The following PML variants were observed in gnomAD, a reference collection of about 807,000 sequenced individuals.
PML encodes the protein protein PML.
A neutral mutation model predicts 65.2 loss-of-function variants in PML; 28 were observed. That is an observed-to-expected ratio of 0.43 (90% CI 0.32 to 0.59). PML has a LOEUF of 0.59. Ranked by LOEUF, PML falls within the 20% of genes least tolerant of loss-of-function variation. PML has a pLI of 0.08. For missense variants in PML, 1,021 were observed against 1,203.4 expected, an observed-to-expected ratio of 0.85 and a Z score of 2.24; for synonymous variants, 500 against 508.8, an observed-to-expected ratio of 0.98 and a Z score of 0.23.
chr15:74,035,116 C>T lies in PML; in HGVS notation c.1710+586C>T, dbSNP rs1356340268. On this transcript the variant is annotated intron_variant, in intron 7 of 8. Transcript: ENST00000268058. The surrounding 1 kb of genome is among the most constrained non-coding windows in gnomAD (Gnocchi z 4.1). The stretch of plus-strand genomic sequence containing the variant: ...GATCTGAATAGAGTGAAAGGTTGGA[C>T]TGGGTGGCCCCTGAGGTCTCTTCCA... The T allele has an allele frequency of 2.6e-6, 3 of 1,144,388 alleles. No individual in the cohort carries two copies. In the African/African-American group the frequency reaches 4.6e-5, roughly 17 times the overall value. 70.9% of individuals were successfully genotyped at this position (1,144,388 alleles called of 1,614,324 possible). A position where few individuals can be genotyped will look rare whatever the true frequency, so the allele number is the denominator to read the frequency against.
chr15:74,044,151 G>C, intron 8 of PML, 70 bp from the exon 9 acceptor site: 2 of 1,508,672 alleles, frequency 1.3e-6, no homozygotes, highest in South Asian at 1.1e-5. Flanking sequence ...CAGCCCTAGA[G>C]GACCCCCTGC....
At chr15:73,997,926 C>A in intron 1 of PML, 78 bp from the exon 2 acceptor site, 1 of 1,237,484 alleles carries the variant, frequency 8.1e-7, no homozygotes, top group Non-Finnish European at 1.2e-6. Flanking sequence ...CTCCAGGGTC[C>A]AGCTGTAAGG....
chr15:73,998,958 T>C (rs1487912015), intron 2 of PML, among the ~76,000 whole-genome samples: 1 of 152,216 alleles, frequency 6.6e-6, no homozygotes, highest in African/African-American at 2.4e-5. Context: ...TATCTGAGAA[T>C]GTCTGTATGG....
chr15:74,008,911 T>C (rs2070192466), intron 2 of PML, among the ~76,000 whole-genome samples: 1 of 152,084 alleles, frequency 6.6e-6, no homozygotes, highest in Non-Finnish European at 1.5e-5. Flanking sequence ...CCACGGAGAA[T>C]TTGAGGGGAT....
Position 74,043,370 on chromosome 15 carries a change from G to C in PML, c.1861+231G>C. The C allele has an allele frequency of 7.0e-7, 1 of 1,438,682 alleles. No individual in the cohort carries two copies. Among genetic ancestry groups the C allele is most frequent in the Non-Finnish European group, 9.1e-7 (1 of 1,103,376 alleles). 89.1% of individuals were successfully genotyped at this position (1,438,682 alleles called of 1,614,324 possible). The stretch of plus-strand genomic sequence containing the variant: ...GCCTGAGTGTGCGAGAGAGGCAGAT[G>C]CCTCCACAAGTGCACCTCTGACCAG... On this transcript the variant is annotated intron_variant, in intron 8 of 8. Transcript: ENST00000268058. The surrounding 1 kb of genome is among the most constrained non-coding windows in gnomAD (Gnocchi z 4.3).
chr15:74,005,121 C>T (rs1427370715), intron 2 of PML, among the ~76,000 whole-genome samples: 2 of 152,148 alleles, frequency 1.3e-5, no homozygotes, highest in East Asian at 1.9e-4. Flanking sequence ...GGCACGATCT[C>T]GGCTCACTGC....
Position 74,046,949 on chromosome 15 carries a change from A to G in PML, c.*1941A>G, listed in dbSNP as rs537260404. 81 of 229,716 alleles carry G rather than the reference A, an allele frequency of 3.5e-4. No homozygotes were observed. Among genetic ancestry groups the G allele is most frequent in the African/African-American group, 1.7e-3 (76 of 45,272 alleles). 14.2% of individuals were successfully genotyped at this position (229,716 alleles called of 1,614,324 possible). On this transcript the variant is annotated 3_prime_UTR_variant, in exon 9 of 9. Transcript: ENST00000268058. Reference sequence around the variant, plus strand: ...AGAGCTGAGAGCCCTTTGTTGCTCAATGCTGTGAGCCTTAAGCATGTGAAT... The same window carrying G: ...AGAGCTGAGAGCCCTTTGTTGCTCAGTGCTGTGAGCCTTAAGCATGTGAAT...
intron 1 of PML, among the ~76,000 whole-genome samples, chr15:73,995,873 G>A (rs1230144953): frequency 6.6e-6 from 1 of 151,968 alleles, no homozygotes; most frequent in African/African-American, 2.4e-5. Flanking sequence ...TCCTGCCTCA[G>A]CCTCCCGAGT....
chr15:73,998,682 G>A (rs3784562), intron 2 of PML, among the ~76,000 whole-genome samples: 88,025 of 152,138 alleles, frequency 0.58, 25,618 homozygotes, highest in East Asian at 0.63. Flanking sequence ...TAAGTTTCCA[G>A]TTTCCTCCTG....
Position 74,036,596 on chromosome 15 carries a change from G to C in PML, c.1710+2066G>C, listed in dbSNP as rs146237819. On this transcript the variant is annotated intron_variant, in intron 7 of 8. Coordinates refer to ENST00000268058, the MANE Select transcript of PML (RefSeq NM_033238.3). ...TCCTGGACTGTTCCAGCCCCTTCCTGGCCGTCTGGTAAGATCCTCTGTCCC... is the reference window on the plus strand; with the variant it reads ...TCCTGGACTGTTCCAGCCCCTTCCTCGCCGTCTGGTAAGATCCTCTGTCCC... Among the ~76,000 whole-genome samples the C allele has an allele frequency of 3.5e-3, 533 of 152,140 alleles. 2 individuals are homozygous for C. Among genetic ancestry groups the C allele is most frequent in the African/African-American group, 0.012 (513 of 41,486 alleles).
At position 74,046,291 on chromosome 15, in the gene PML, T is replaced by A. The variant is rs1054098196; in HGVS notation, c.*1283T>A. On this transcript the variant is annotated 3_prime_UTR_variant, in exon 9 of 9. Coordinates refer to ENST00000268058, the MANE Select transcript of PML (RefSeq NM_033238.3). ...AGGTCAACAGCAGAACAGAGGCAGGTCAGGGTTGTCCGCTCTGATTAGCAG... is the reference window on the plus strand; with the variant it reads ...AGGTCAACAGCAGAACAGAGGCAGGACAGGGTTGTCCGCTCTGATTAGCAG... The A allele has an allele frequency of 4.7e-5, 11 of 233,184 alleles. No homozygotes were observed. The highest frequency in any genetic ancestry group is 2.4e-4 in the African/African-American group (11 of 45,458). The allele number at this position is 233,184 out of a possible 1,614,324, so 14.4% of individuals were successfully genotyped here.
chr15:74,034,832 C>T, intron 7 of PML: 3 of 1,437,182 alleles, frequency 2.1e-6, no homozygotes, highest in Non-Finnish European at 1.8e-6. Flanking sequence ...TATGCATTTT[C>T]TGTCCTCTAA....
chr15:74,015,380 C>T (rs1325637312), intron 2 of PML, among the ~76,000 whole-genome samples: 2 of 152,180 alleles, frequency 1.3e-5, no homozygotes, highest in African/African-American at 4.8e-5. Flanking sequence ...CAAAAGAGCT[C>T]TCTTTTACCA....
At chr15:74,038,716 C>G (rs1351052955) in intron 7 of PML, among the ~76,000 whole-genome samples, 1 of 152,156 alleles carries the variant, frequency 6.6e-6, no homozygotes, top group Non-Finnish European at 1.5e-5. Context: ...AACCCATCCT[C>G]CCCAGCTCTG....
intron 3 of PML, 79 bp from the exon 4 acceptor site, chr15:74,024,778 T>C: frequency 9.7e-7 from 1 of 1,034,590 alleles, no homozygotes. Flanking sequence ...AGGGACCTCC[T>C]CTCTATCACT....
At position 74,044,469 on chromosome 15, in the gene PML, A is replaced by T; in HGVS notation, c.2110A>T (p.Ile704Phe). The change falls in exon 9 of 9, where the codon ATC becomes TTC. Residue 704 changes from isoleucine to phenylalanine, a missense_variant. Coordinates refer to ENST00000268058, the MANE Select transcript of PML (RefSeq NM_033238.3). ...CAGGCTGTGGGAATTCCAGGAGGCC[A>T]TCTCGGGCTTCCTGGCTGCCCTGCC... ...INRLWEFQEA[I>F]SGFLAALPLI... 6.2e-7 allele frequency: 1 copy of T among 1,614,096 alleles called. No homozygotes were observed.
chr15:74,004,089 T>C (rs916219416), intron 2 of PML, among the ~76,000 whole-genome samples: 17 of 152,184 alleles, frequency 1.1e-4, no homozygotes, highest in Admixed American at 3.3e-4. Context: ...TTTTTGTTTG[T>C]TAAGGATCTT....
At chr15:74,028,598 G>T (rs959505513) in intron 4 of PML, among the ~76,000 whole-genome samples, 1 of 152,052 alleles carries the variant, frequency 6.6e-6, no homozygotes, top group Admixed American at 6.6e-5. Context: ...ACCACCACCC[G>T]TTCCAGAAGG....
intron 2 of PML, among the ~76,000 whole-genome samples, chr15:74,002,444 CTT>C (rs71137368): frequency 2.9e-5 from 3 of 104,746 alleles, no homozygotes; most frequent in Admixed American, 1.2e-4. Context: ...TCTTTCTTTT[CTT>C]TTTTTTTTTT....
Sources: gnomAD v4.1 joint callset for allele counts (sites outside exome capture counted in the v4.1 genomes callset) on GRCh38, gnomAD v4.1.1 for gene constraint, Gnocchi (gnomAD v3.1) non-coding constraint, MANE v1.5 for transcripts, NCBI Gene and HGNC (gene_info 2026-07-23, HGNC 2026-07-21) for gene names.